PLEKHG7: variants seen among roughly 807,000 people sequenced by gnomAD.
PLEKHG7 encodes pleckstrin homology and RhoGEF domain containing G7.
PLEKHG7 carries 77 observed loss-of-function variants against 85.2 expected under a neutral mutation model. The ratio of observed to expected loss-of-function variants is 0.90; its 90% confidence interval spans 0.75 to 1.09. The LOEUF is 1.09. Among genes scored for constraint, PLEKHG7 ranks in the 50% least tolerant of loss-of-function variants. The pLI is 0.00. For missense variants in PLEKHG7, 777 were observed against 804.3 expected (o/e 0.97, Z 0.41); for synonymous variants, 301 against 302.4 (o/e 1.00, Z 0.05).
intron 3 of PLEKHG7, among the ~76,000 whole-genome samples, chr12:92,710,802 A>C (rs1054492639): frequency 6.6e-6 from 1 of 152,192 alleles, no homozygotes; most frequent in Admixed American, 6.5e-5. Flanking sequence ...TACTTTGTTC[A>C]TGGGCCCATC....
intron 3 of PLEKHG7, among the ~76,000 whole-genome samples, chr12:92,723,977 C>A (rs908034838): frequency 2.0e-5 from 3 of 152,140 alleles, no homozygotes; most frequent in African/African-American, 7.2e-5. Flanking sequence ...CAAAAATTCC[C>A]CTACATTACA....
At chr12:92,769,282 G>A (rs1565799654) in intron 16 of PLEKHG7, among the ~76,000 whole-genome samples, 1 of 152,058 alleles carries the variant, frequency 6.6e-6, no homozygotes, top group Non-Finnish European at 1.5e-5. Context: ...CACACTTGTG[G>A]GGTTGAGGAA....
chr12:92,762,955 G>C (rs1174724261), intron 14 of PLEKHG7, among the ~76,000 whole-genome samples: 1 of 152,062 alleles, frequency 6.6e-6, no homozygotes, highest in Non-Finnish European at 1.5e-5. Context: ...GAATTTGTAT[G>C]ACCTCCCATT....
intron 10 of PLEKHG7, among the ~76,000 whole-genome samples, chr12:92,751,668 C>T (rs569215941): frequency 6.6e-6 from 1 of 152,076 alleles, no homozygotes; most frequent in South Asian, 2.1e-4. Context: ...GCCACCACGC[C>T]CGGCCAAGAA....
intron 3 of PLEKHG7, among the ~76,000 whole-genome samples, chr12:92,722,801 G>A (rs1027713616): frequency 6.6e-6 from 1 of 152,150 alleles, no homozygotes; most frequent in East Asian, 1.9e-4. Flanking sequence ...TCAGTATTTC[G>A]ATCTATAGGT....
intron 9 of PLEKHG7, among the ~76,000 whole-genome samples, chr12:92,742,696 A>G (rs1592682053): frequency 6.6e-6 from 1 of 150,868 alleles, no homozygotes; most frequent in Admixed American, 6.6e-5. Context: ...AGAGATTCTC[A>G]TGCCTCAGCC....
intron 10 of PLEKHG7, among the ~76,000 whole-genome samples, chr12:92,751,656 G>A (rs139418094): frequency 0.023 from 3,475 of 151,714 alleles, 139 homozygotes; most frequent in African/African-American, 0.079. Flanking sequence ...TTACAGGCAT[G>A]AGCCACCACG....
chr12:92,740,923 T>C lies in PLEKHG7; in HGVS notation c.1010T>C (p.Phe337Ser). ...YLLDVDLWRL[F>S]ANLEELTQTS... is the part of the protein sequence containing the mutation. ...CTAGATGTGGATTTATGGAGACTTT[T>C]TGCAAACCTGGAGGAGTTAACTCAG... The change falls in exon 8 of 17, where the codon TTT (phenylalanine) becomes TCT (serine). Residue 337 changes from phenylalanine to serine, a missense_variant. Phe to Ser is a radical substitution (Grantham distance 155). Transcript: ENST00000344636. The C allele has an allele frequency of 6.2e-7, 1 of 1,612,062 alleles. No homozygotes were observed. Among genetic ancestry groups the C allele is most frequent in the Non-Finnish European group, 8.5e-7 (1 of 1,178,618 alleles).
chr12:92,707,289 CA>C, intron 2 of PLEKHG7, 151 bp downstream of exon 2: 1 of 1,433,996 alleles, frequency 7.0e-7, no homozygotes, highest in South Asian at 1.5e-5. Flanking sequence ...CTTTAGGAAG[CA>C]TTGGCTCTTA....
Position 92,770,174 on chromosome 12 carries a change from C to T in PLEKHG7, c.2055C>T (p.Pro685=), listed in dbSNP as rs200566079. Residue 685 remains proline (P), a synonymous_variant, in exon 17 of 17, where the codon CCC becomes CCT. Transcript: ENST00000344636. The stretch of plus-strand genomic sequence containing the variant: ...AGAAAATATCTTTATTCACATTGCC[C>T]GCAGAATCCTCTGAAATTTAGGGAC... ...ETKKISLFTL[P]AESSEI is the part of the protein sequence containing the mutation. 220 of 1,599,724 alleles carry T rather than the reference C, an allele frequency of 1.4e-4. No homozygotes were observed. The Middle Eastern group carries it at 2.8e-3, about 21-fold the overall frequency.
intron 13 of PLEKHG7, among the ~76,000 whole-genome samples, chr12:92,760,505 GA>G (rs1268934954): frequency 1.3e-5 from 2 of 151,816 alleles, no homozygotes; most frequent in African/African-American, 4.8e-5. Context: ...ATATAAGAAA[GA>G]ACTTCTAGAA....
rs1873374894 is a variant in PLEKHG7 at position 92,770,412 on chromosome 12, C to T, written c.*217C>T. ...TGAGGAATTTCTTGACAAATATATA[C>T]TGACATCCAGATTACCTTCTAATGC... is the stretch of plus-strand genomic sequence containing the variant. On this transcript the variant is annotated 3_prime_UTR_variant, in exon 17 of 17. Coordinates refer to ENST00000344636, the MANE Select transcript of PLEKHG7 (RefSeq NM_001377329.1). 1 of 472,168 alleles carries T rather than the reference C, an allele frequency of 2.1e-6. No individual in the cohort carries two copies. The allele number at this position is 472,168 out of a possible 1,614,324, so 29.2% of individuals were successfully genotyped here.
intron 7 of PLEKHG7, among the ~76,000 whole-genome samples, chr12:92,738,479 A>C (rs572054555): frequency 8.5e-5 from 13 of 152,340 alleles, no homozygotes; most frequent in African/African-American, 2.9e-4. Context: ...TTCATACCCT[A>C]AACCAGGGGT....
chr12:92,732,360 G>A (rs1326711027), intron 5 of PLEKHG7, 87 bp downstream of exon 5: 3 of 792,222 alleles, frequency 3.8e-6, no homozygotes, highest in Non-Finnish European at 5.1e-6. Flanking sequence ...TCTTCATTCT[G>A]CTTTATCTTT....
intron 10 of PLEKHG7, among the ~76,000 whole-genome samples, chr12:92,750,071 C>G (rs887674728): frequency 6.8e-6 from 1 of 147,282 alleles, no homozygotes; most frequent in African/African-American, 2.5e-5. Context: ...ACTCTGTCAC[C>G]CAGGCTGGAA....
At chr12:92,758,595 T>G (rs1342269340) in intron 13 of PLEKHG7, among the ~76,000 whole-genome samples, 1 of 152,232 alleles carries the variant, frequency 6.6e-6, no homozygotes, top group Non-Finnish European at 1.5e-5. Flanking sequence ...GAAGCTCACC[T>G]AAGAAAGACT....
chr12:92,765,325 TAAAAAAAA>T (rs59974651), intron 15 of PLEKHG7, among the ~76,000 whole-genome samples: 1 of 128,922 alleles, frequency 7.8e-6, no homozygotes, highest in Non-Finnish European at 1.6e-5. Flanking sequence ...AGTCTCTTAT[TAAAAAAAA>T]AAAAAAAAAA....
intron 9 of PLEKHG7, among the ~76,000 whole-genome samples, chr12:92,743,418 G>A (rs934076631): frequency 2.6e-4 from 40 of 152,224 alleles, no homozygotes; most frequent in African/African-American, 8.7e-4. Flanking sequence ...AGATAGGGAC[G>A]TCTTGTTATT....
At chr12:92,729,150 A>G (rs1871909103) in intron 4 of PLEKHG7, 30 bp downstream of exon 4, 1 of 1,231,366 alleles carries the variant, frequency 8.1e-7, no homozygotes, top group Non-Finnish European at 1.0e-6. Flanking sequence ...CTTTCATTCC[A>G]TGCCCACTGT....
Sources: allele counts gnomAD v4.1 joint callset (sites outside exome capture counted in the v4.1 genomes callset), GRCh38; gene constraint gnomAD v4.1.1; transcripts MANE v1.5; gene names NCBI Gene and HGNC (gene_info 2026-07-23, HGNC 2026-07-21).